ABCB5: variants seen among roughly 807,000 people sequenced by gnomAD.
ABCB5 encodes the protein ATP binding cassette subfamily B member 5.
ABCB5 carries 155 observed loss-of-function variants against 144.2 expected under a neutral mutation model. The observed-to-expected ratio is 1.08, with a 90% confidence interval of 0.94 to 1.23. ABCB5 has a LOEUF of 1.23. Ranked by LOEUF, ABCB5 falls within the 50% of genes most tolerant of loss-of-function variation. The probability of loss-of-function intolerance (pLI) is 0.00; values close to 1 mark genes in which losing one functional copy is unlikely to be tolerated. For missense variants in ABCB5, 1,830 were observed against 1,520.8 expected (o/e 1.20, Z -3.38); for synonymous variants, 610 against 528.6 (o/e 1.15, Z -2.11).
intron 3 of ABCB5, among the ~76,000 whole-genome samples, chr7:20,627,823 G>A (rs914450681): frequency 1.3e-5 from 2 of 152,210 alleles, no homozygotes; most frequent in East Asian, 1.9e-4. Flanking sequence ...CCATGATGCC[G>A]GTGAGCCAGA....
chr7:20,638,628 TG>T (rs1361263433), intron 5 of ABCB5, among the ~76,000 whole-genome samples: 5 of 152,356 alleles, frequency 3.3e-5, no homozygotes, highest in African/African-American at 1.2e-4. Flanking sequence ...TTCTTGTACC[TG>T]GCTTCTTTTG....
chr7:20,729,327 A>G (rs954952681), intron 23 of ABCB5, among the ~76,000 whole-genome samples: 1 of 152,210 alleles, frequency 6.6e-6, no homozygotes, highest in African/African-American at 2.4e-5. Flanking sequence ...TTTGTGAGAC[A>G]TTATGAAACT....
chr7:20,665,182 T>G (rs1429716053), intron 14 of ABCB5, among the ~76,000 whole-genome samples: 1 of 152,200 alleles, frequency 6.6e-6, no homozygotes, highest in African/African-American at 2.4e-5. Flanking sequence ...TAAAGGGTCT[T>G]AACCCAAGCA....
rs1203862512 is a variant in ABCB5 at position 20,647,547 on chromosome 7, G to C, written c.994G>C (p.Val332Leu). The change falls in exon 10 of 28, where the codon GTA becomes CTA. Residue 332 changes from valine (V) to leucine (L), a missense_variant. Transcript: ENST00000404938. ...IGTVLAVFFS[V>L]IHSSYCIGAA... The stretch of plus-strand genomic sequence containing the variant: ...TTTGTTCCTGTAGGTTTTCTTTAGT[G>C]TAATCCATAGCAGTTATTGCATTGG... 3.8e-6 allele frequency: 6 copies of C among 1,575,022 alleles called. No homozygotes were observed. Among genetic ancestry groups the C allele is most frequent in the Non-Finnish European group, 5.2e-6 (6 of 1,160,214 alleles).
chr7:20,645,506 A>G (rs1245174368), intron 7 of ABCB5, among the ~76,000 whole-genome samples: 3 of 152,250 alleles, frequency 2.0e-5, no homozygotes, highest in East Asian at 3.8e-4. Flanking sequence ...GGATTATTAA[A>G]TGGGACATAT....
intron 5 of ABCB5, among the ~76,000 whole-genome samples, chr7:20,640,327 A>C (rs1175028902): frequency 6.6e-6 from 1 of 152,230 alleles, no homozygotes; most frequent in African/African-American, 2.4e-5. Context: ...CGTCAACCAA[A>C]TAATACACAA....
At chr7:20,742,827 T>C (rs746782659) in intron 24 of ABCB5, 50 bp from the exon 25 acceptor site, 4 of 1,586,824 alleles carry the variant, frequency 2.5e-6, no homozygotes, top group Non-Finnish European at 3.5e-6. Flanking sequence ...TACAGTGTGT[T>C]ACAACCTTCC....
At chr7:20,696,172 A>G (rs1372792126) in intron 16 of ABCB5, among the ~76,000 whole-genome samples, 3 of 152,122 alleles carry the variant, frequency 2.0e-5, no homozygotes, top group Non-Finnish European at 2.9e-5. Flanking sequence ...TCAAATTTAT[A>G]TCAACAGGTG....
At chr7:20,738,649 TTCTCTGTCAAA>T (rs1277232535) in intron 23 of ABCB5, among the ~76,000 whole-genome samples, 1 of 152,226 alleles carries the variant, frequency 6.6e-6, no homozygotes, top group Non-Finnish European at 1.5e-5. Context: ...GTCAGTTGAA[TTCTCTGTCAAA>T]TCTCCAAGCA....
intron 14 of ABCB5, chr7:20,659,663 C>T (rs2128030260): frequency 1.0e-6 from 1 of 987,790 alleles, no homozygotes; most frequent in Non-Finnish European, 1.2e-6. Flanking sequence ...AATACAAAGA[C>T]AGGACTAATA....
chr7:20,629,522 G>T (rs1400705231), intron 4 of ABCB5, among the ~76,000 whole-genome samples: 2 of 152,118 alleles, frequency 1.3e-5, no homozygotes, highest in Non-Finnish European at 2.9e-5. Context: ...TGCACTTTGG[G>T]AGGCTGAGAC....
chr7:20,755,989 C>A lies in ABCB5; in HGVS notation c.*365C>A, dbSNP rs540563616. On this transcript the variant is annotated 3_prime_UTR_variant, in exon 28 of 28. Coordinates refer to ENST00000404938, the MANE Select transcript of ABCB5 (RefSeq NM_001163941.2). ...CAATTAACCATGTTGAAGGTTTTAG[C>A]AAAGGCAGTGTAAGATAGAGTGGGG... The A allele has an allele frequency of 3.1e-5, 8 of 257,096 alleles. No individual in the cohort carries two copies. Among genetic ancestry groups the A allele is most frequent in the South Asian group, 2.8e-4 (6 of 21,256 alleles). The allele number at this position is 257,096 out of a possible 1,614,324, so 15.9% of individuals were successfully genotyped here.
intron 9 of ABCB5, 70 bp downstream of exon 9, chr7:20,646,208 T>C (rs960676387): frequency 2.1e-6 from 3 of 1,433,598 alleles, no homozygotes; most frequent in African/African-American, 1.4e-5. Context: ...CCAAAATTCC[T>C]CTTTGAAGAT....
intron 26 of ABCB5, among the ~76,000 whole-genome samples, chr7:20,750,993 T>C (rs959266675): frequency 3.9e-5 from 6 of 152,132 alleles, no homozygotes; most frequent in Non-Finnish European, 7.4e-5. Flanking sequence ...TCGAGCCACA[T>C]CCTTAAGTAG....
At chr7:20,699,773 G>T in intron 17 of ABCB5, 52 bp from the exon 18 acceptor site, 1 of 1,255,298 alleles carries the variant, frequency 8.0e-7, no homozygotes, top group Non-Finnish European at 1.1e-6. Context: ...CACTTTTTCT[G>T]TTTCTTTTAT....
Position 20,755,706 on chromosome 7 carries a change from C to G in ABCB5, c.*82C>G, listed in dbSNP as rs1583473575. ...ATAATTACTTGGCAAGCTTTGATCT[C>G]TTTTATTGCATATATCAATACCTAG... On this transcript the variant is annotated 3_prime_UTR_variant, in exon 28 of 28. Transcript: ENST00000404938. The G allele has an allele frequency of 5.5e-6, 7 of 1,270,364 alleles. No individual in the cohort carries two copies. The highest frequency in any genetic ancestry group is 7.8e-6 in the Non-Finnish European group (7 of 895,092). 78.7% of individuals were successfully genotyped at this position (1,270,364 alleles called of 1,614,324 possible).
In ABCB5 at chr7:20,745,261, G is replaced by A. The variant is rs199569860; in HGVS notation, c.3252G>A (p.Leu1084=). The stretch of plus-strand genomic sequence containing the variant: ...TTGATGGTGTGGATGCAAAAGAATT[G>A]AATGTACAGTGGCTCCGTTCCCAAA... ...VLFDGVDAKE[L]NVQWLRSQIA... Residue 1084 remains leucine (L), a synonymous_variant, in exon 26 of 28, where the codon TTG becomes TTA. Coordinates refer to ENST00000404938, the MANE Select transcript of ABCB5 (RefSeq NM_001163941.2). The A allele has an allele frequency of 1.5e-5, 25 of 1,613,950 alleles. No individual in the cohort carries two copies. The highest frequency in any genetic ancestry group is 1.9e-5 in the Non-Finnish European group (23 of 1,179,876).
chr7:20,743,284 C>T (rs975687157), intron 25 of ABCB5, among the ~76,000 whole-genome samples: 2 of 152,134 alleles, frequency 1.3e-5, no homozygotes, highest in African/African-American at 4.8e-5. Context: ...CACAAAGGTC[C>T]AAAGATTCTT....
At chr7:20,625,278 A>G (rs758344225) in intron 2 of ABCB5, among the ~76,000 whole-genome samples, 7 of 152,224 alleles carry the variant, frequency 4.6e-5, no homozygotes, top group Admixed American at 1.3e-4. Flanking sequence ...ACAATGCGTT[A>G]TAAAGCAGGA....
Sources: gnomAD v4.1 joint callset for allele counts (sites outside exome capture counted in the v4.1 genomes callset) on GRCh38, gnomAD v4.1.1 for gene constraint, MANE v1.5 for transcripts, NCBI Gene and HGNC (gene_info 2026-07-23, HGNC 2026-07-21) for gene names.